The following RORA variants were observed in gnomAD, a reference collection of about 807,000 sequenced individuals.
RORA encodes the protein nuclear receptor ROR-alpha.
In RORA, 7 loss-of-function variants were observed where a neutral mutation model predicts 69.5. That is an observed-to-expected ratio of 0.10 (90% confidence interval 0.06 to 0.19). The LOEUF is 0.19. Among genes scored for constraint, RORA ranks in the 10% least tolerant of loss-of-function variants. The pLI, the probability that RORA is intolerant of heterozygous loss-of-function variation, is 1.00. For synonymous variants in RORA, 261 were observed against 240.8 expected (o/e 1.08, Z -0.78); for missense variants, 457 against 663.0 (o/e 0.69, Z 3.41).
intron 1 of RORA, among the ~76,000 whole-genome samples, chr15:61,096,131 G>A (rs183496045): frequency 2.9e-4 from 44 of 152,290 alleles, no homozygotes; most frequent in East Asian, 1.7e-3. Flanking sequence ...GACCCCATGC[G>A]GACAGCACCT....
chr15:61,216,862 G>A (rs1305066784), intron 1 of RORA, among the ~76,000 whole-genome samples: 1 of 152,138 alleles, frequency 6.6e-6, no homozygotes, highest in African/African-American at 2.4e-5. Context: ...ACACACCTGG[G>A]TCTTGGCCCA....
intron 1 of RORA, among the ~76,000 whole-genome samples, chr15:60,862,760 C>T (rs139800629): frequency 6.6e-6 from 1 of 152,324 alleles, no homozygotes; most frequent in African/African-American, 2.4e-5. Context: ...GAGAACTGTA[C>T]AAGCTTTGAC....
intron 1 of RORA, among the ~76,000 whole-genome samples, chr15:60,790,157 C>T (rs551924316): frequency 1.3e-5 from 2 of 152,332 alleles, no homozygotes; most frequent in South Asian, 2.1e-4. Context: ...TCACCCAGAC[C>T]AGTGGTTCTT....
rs536524733 is a variant in RORA, at chr15:60,646,885, C to G, written c.196+31772G>C. On this transcript the variant is annotated intron_variant, in intron 2 of 10. Transcript: ENST00000335670. ...CACCCAGTGATAATGACCGGCTTCACAGGGTGGCTGCGGAGCTTAATTAAG... is the reference window on the plus strand; with the variant it reads ...CACCCAGTGATAATGACCGGCTTCAGAGGGTGGCTGCGGAGCTTAATTAAG... Among the ~76,000 whole-genome samples the G allele has an allele frequency of 3.9e-5, 6 of 152,316 alleles. No individual in the cohort carries two copies. In the East Asian group the frequency reaches 9.6e-4, roughly 24 times the overall value.
At chr15:60,560,999 G>A (rs1417237334) in intron 2 of RORA, among the ~76,000 whole-genome samples, 2 of 150,148 alleles carry the variant, frequency 1.3e-5, no homozygotes, top group African/African-American at 2.5e-5. Context: ...GCACACACAC[G>A]TTGGCAGTGA....
At chr15:61,221,053 C>G (rs2080090972) in intron 1 of RORA, among the ~76,000 whole-genome samples, 1 of 152,208 alleles carries the variant, frequency 6.6e-6, no homozygotes, top group South Asian at 2.1e-4. Context: ...GCTTCTGGTT[C>G]TCCTTCCTTC....
In RORA at chr15:61,224,018, AC is replaced by A. The variant is rs397819840; in HGVS notation, c.166+5034del. ...TGAATTAGATATCAAAAAAAAAAAA[AC>A]CACTAAAAAATGATAGAAGAGAAAA... On this transcript the variant is annotated intron_variant, in intron 1 of 10. Transcript: ENST00000335670. Among the ~76,000 whole-genome samples, 676 of 151,710 alleles carry A rather than the reference AC, an allele frequency of 4.5e-3. 4 individuals are homozygous for A. Among genetic ancestry groups the A allele is most frequent in the African/African-American group, 0.015 (631 of 41,360 alleles).
intron 1 of RORA, among the ~76,000 whole-genome samples, chr15:61,040,362 CT>C (rs1896698802): frequency 5.3e-5 from 8 of 151,530 alleles, no homozygotes; most frequent in Admixed American, 3.9e-4. Flanking sequence ...AGTTTGGAAG[CT>C]TTCACATGAA....
In RORA at chr15:60,534,529, T is replaced by G. The variant is rs187923750; in HGVS notation, c.197-2678A>C. On this transcript the variant is annotated intron_variant, in intron 2 of 10. Transcript: ENST00000335670. This position sits in a 1 kb window ranked among gnomAD's most constrained non-coding sequence, Gnocchi z 5.0. ...ACTTAGATCTTTGTCCCCATGTGTC[T>G]GTGCTTAGTTCCAGTGGGCTAAAGA... is the stretch of plus-strand genomic sequence containing the variant. Among the ~76,000 whole-genome samples, 548 of 152,250 alleles carry G rather than the reference T, an allele frequency of 3.6e-3. 1 individual carries two copies. The highest frequency in any genetic ancestry group is 0.013 in the African/African-American group (526 of 41,540).
intron 2 of RORA, chr15:60,627,445 A>C (rs1782446919): frequency 6.3e-7 from 1 of 1,598,468 alleles, no homozygotes; most frequent in Non-Finnish European, 8.5e-7. Flanking sequence ...TATGGAGTCC[A>C]AGGTGATCAG....
intron 1 of RORA, among the ~76,000 whole-genome samples, chr15:60,917,567 C>T (rs1390773768): frequency 3.3e-5 from 5 of 152,150 alleles, no homozygotes; most frequent in Non-Finnish European, 7.3e-5. Context: ...GACGAGGCAT[C>T]CACGAGCAGC....
chr15:61,165,822 T>C (rs1339273407), intron 1 of RORA, among the ~76,000 whole-genome samples: 5 of 152,190 alleles, frequency 3.3e-5, no homozygotes, highest in Non-Finnish European at 5.9e-5. Flanking sequence ...CTTACAAACA[T>C]TAATAATATC....
At chr15:60,740,251 G>A (rs961408606) in intron 1 of RORA, among the ~76,000 whole-genome samples, 2 of 151,406 alleles carry the variant, frequency 1.3e-5, no homozygotes, top group Admixed American at 1.3e-4. Flanking sequence ...TACCCAGTTC[G>A]TTACCCCCCG....
intron 1 of RORA, chr15:60,765,677 T>G (rs1337221642): frequency 6.6e-6 from 1 of 152,168 alleles, no homozygotes; most frequent in Non-Finnish European, 1.5e-5. Flanking sequence ...TCCTCCTCAC[T>G]GCCAGTACAT....
chr15:60,643,804 T>C (rs1435789314), intron 2 of RORA, among the ~76,000 whole-genome samples: 1 of 152,212 alleles, frequency 6.6e-6, no homozygotes, highest in Non-Finnish European at 1.5e-5. Flanking sequence ...GGGGAGTTAT[T>C]GTGTTGCTTT....
At chr15:60,607,948 C>T (rs2068990771) in intron 2 of RORA, among the ~76,000 whole-genome samples, 1 of 152,236 alleles carries the variant, frequency 6.6e-6, no homozygotes, top group Non-Finnish European at 1.5e-5. Flanking sequence ...CATGCACACA[C>T]ATGATACCGA....
At chr15:60,536,315 A>G (rs1310037516) in intron 2 of RORA, among the ~76,000 whole-genome samples, 1 of 152,182 alleles carries the variant, frequency 6.6e-6, no homozygotes, top group Admixed American at 6.5e-5. Context: ...AGTAAATAGT[A>G]GTTATTATTA....
intron 1 of RORA, among the ~76,000 whole-genome samples, chr15:60,867,694 T>G (rs1291231888): frequency 6.6e-6 from 1 of 152,174 alleles, no homozygotes; most frequent in African/African-American, 2.4e-5. Context: ...GAAATTTTGT[T>G]GAGGCTACAG....
chr15:60,727,155 G>T (rs1471429794), intron 1 of RORA, among the ~76,000 whole-genome samples: 2 of 152,114 alleles, frequency 1.3e-5, no homozygotes, highest in African/African-American at 4.8e-5. Context: ...CTGCTTCATT[G>T]AACTCACCCA....
Sources: allele counts gnomAD v4.1 joint callset (sites outside exome capture counted in the v4.1 genomes callset), GRCh38; gene constraint gnomAD v4.1.1; non-coding constraint Gnocchi (gnomAD v3.1); transcripts MANE v1.5; gene names NCBI Gene and HGNC (gene_info 2026-07-23, HGNC 2026-07-21).